Variants in TNS3 observed in about 807,000 individuals in gnomAD.
TNS3 encodes tensin-3.
Under a neutral mutation model 140.9 loss-of-function variants are expected in TNS3, and 45 were observed. The ratio of observed to expected loss-of-function variants is 0.32; its 90% CI spans 0.25 to 0.41. The LOEUF (loss-of-function observed/expected upper bound fraction) is 0.41. Among genes scored for constraint, TNS3 ranks in the 10% least tolerant of loss-of-function variants. The pLI is 1.00. For missense variants in TNS3, 1,716 were observed against 1,906.7 expected, an observed-to-expected ratio of 0.90 and a Z score of 1.86; for synonymous variants, 815 against 788.4, an observed-to-expected ratio of 1.03 and a Z score of -0.56.
chr7:47,504,714 C>T (rs566261859), intron 3 of TNS3, among the ~76,000 whole-genome samples: 1 of 152,350 alleles, frequency 6.6e-6, no homozygotes, highest in East Asian at 1.9e-4. Flanking sequence ...CCCTTAGCCA[C>T]ATACCCTGCA....
intron 17 of TNS3, among the ~76,000 whole-genome samples, chr7:47,367,995 T>A (rs1462148993): frequency 2.7e-5 from 4 of 147,244 alleles, no homozygotes; most frequent in African/African-American, 1.1e-4. Context: ...GGGACAGAAG[T>A]AAGTATGCTT....
At chr7:47,443,287 C>A (rs1173113487) in intron 4 of TNS3, among the ~76,000 whole-genome samples, 1 of 152,192 alleles carries the variant, frequency 6.6e-6, no homozygotes, top group Non-Finnish European at 1.5e-5. Flanking sequence ...GGCTTGGAAT[C>A]CAGCCTGGCA....
At chr7:47,508,131 C>T (rs948386325) in intron 2 of TNS3, among the ~76,000 whole-genome samples, 1 of 152,188 alleles carries the variant, frequency 6.6e-6, no homozygotes, top group Non-Finnish European at 1.5e-5. Context: ...CTCACTCCCC[C>T]TCCTGCACTC....
intron 17 of TNS3, among the ~76,000 whole-genome samples, chr7:47,359,366 G>A (rs767574755): frequency 4.6e-5 from 7 of 152,218 alleles, no homozygotes; most frequent in Non-Finnish European, 7.3e-5. Context: ...AGGAGGGGAT[G>A]AGTGAGTGCC....
At chr7:47,405,520 G>GA (rs1375128518) in intron 13 of TNS3, 1 of 702,882 alleles carries the variant, frequency 1.4e-6, no homozygotes, top group Non-Finnish European at 2.6e-6. Flanking sequence ...ACTTGGAGCT[G>GA]AAAATGACTT....
intron 4 of TNS3, among the ~76,000 whole-genome samples, chr7:47,448,866 C>G (rs781279252): frequency 6.6e-6 from 1 of 152,190 alleles, no homozygotes; most frequent in Admixed American, 6.5e-5. Context: ...GTAATGAAAT[C>G]TGAAATCAGA....
intron 4 of TNS3, among the ~76,000 whole-genome samples, chr7:47,467,581 G>GC (rs1027576136): frequency 6.6e-6 from 1 of 152,060 alleles, no homozygotes; most frequent in African/African-American, 2.4e-5. Flanking sequence ...CCTGATGCTG[G>GC]CAGACTGACA....
At chr7:47,316,087 T>A (rs1204715492) in intron 20 of TNS3, among the ~76,000 whole-genome samples, 1 of 133,378 alleles carries the variant, frequency 7.5e-6, no homozygotes, top group Admixed American at 7.6e-5. Flanking sequence ...TCCACCTAAC[T>A]AACTATTTCT....
At chr7:47,538,930 G>A (rs1008476235) in intron 1 of TNS3, 7 of 426,868 alleles carry the variant, frequency 1.6e-5, no homozygotes, top group South Asian at 3.3e-5. Context: ...CATCTGTATC[G>A]TATTCATTCC....
At chr7:47,310,078 G>A (rs565453833) in intron 20 of TNS3, among the ~76,000 whole-genome samples, 3 of 152,152 alleles carry the variant, frequency 2.0e-5, no homozygotes, top group Non-Finnish European at 2.9e-5. Context: ...ACTGTTCTGG[G>A]GAGACCAAGT....
chr7:47,409,276 C>A (rs937344052), intron 13 of TNS3, among the ~76,000 whole-genome samples: 1 of 150,304 alleles, frequency 6.7e-6, no homozygotes, highest in African/African-American at 2.5e-5. Context: ...CCCCCGCCCG[C>A]CTGGTCTCAG....
At chr7:47,367,257 C>A (rs1173274391) in intron 17 of TNS3, among the ~76,000 whole-genome samples, 1 of 152,200 alleles carries the variant, frequency 6.6e-6, no homozygotes, top group Non-Finnish European at 1.5e-5. Context: ...CCCACACAGT[C>A]CCCTACCTGA....
At chr7:47,435,947 G>A (rs1266699627) in intron 7 of TNS3, among the ~76,000 whole-genome samples, 1 of 152,218 alleles carries the variant, frequency 6.6e-6, no homozygotes, top group Non-Finnish European at 1.5e-5. Context: ...CAGTGACTCG[G>A]TGCAGAACTG....
intron 1 of TNS3, among the ~76,000 whole-genome samples, chr7:47,577,357 C>A (rs1281228292): frequency 6.6e-6 from 1 of 152,172 alleles, no homozygotes; most frequent in East Asian, 1.9e-4. Flanking sequence ...CTAACATGAA[C>A]CATAATTAGA....
chr7:47,385,883 C>CG (rs1359818746), intron 16 of TNS3, among the ~76,000 whole-genome samples: 1 of 152,202 alleles, frequency 6.6e-6, no homozygotes, highest in African/African-American at 2.4e-5. Flanking sequence ...CACCAAAGGA[C>CG]GGCTGTTGAG....
At chr7:47,336,252 C>T (rs11762661) in intron 20 of TNS3, among the ~76,000 whole-genome samples, 40,235 of 151,396 alleles carry the variant, frequency 0.27, 5,779 homozygotes, top group South Asian at 0.34. Context: ...AGCTTGGGGC[C>T]GATGGAGGGG....
At chr7:47,455,394 T>C (rs979585350) in intron 4 of TNS3, among the ~76,000 whole-genome samples, 13 of 152,116 alleles carry the variant, frequency 8.5e-5, no homozygotes, top group Non-Finnish European at 1.5e-4. Flanking sequence ...AATGAAGAGC[T>C]AATGAATTGC....
chr7:47,472,952 G>A (rs573105673), intron 4 of TNS3, among the ~76,000 whole-genome samples: 2 of 152,240 alleles, frequency 1.3e-5, no homozygotes, highest in East Asian at 1.9e-4. Flanking sequence ...AGAAACAGAC[G>A]GACTTACAGT....
rs1425612996 is a variant in TNS3, at chr7:47,303,367, G to A, written c.3040C>T (p.Pro1014Ser). The A allele has an allele frequency of 6.2e-7, 1 of 1,613,708 alleles. No individual in the cohort carries two copies. Among genetic ancestry groups the A allele is most frequent in the South Asian group, 1.1e-5 (1 of 91,050 alleles). The change falls in exon 22 of 31, where the codon CCC (proline) becomes TCC (serine). Residue 1014 changes from proline to serine, a missense_variant. Pro to Ser is a moderately conservative substitution (Grantham distance 74). Around this residue, in one of 3 missense-constraint regions of TNS3, gnomAD observed 1,163 missense variants for 1,182.1 expected, o/e 0.98. Transcript: ENST00000311160. ...LAEPPDSLAP[P>S]SSQAFLGFGT... is the part of the protein sequence containing the mutation. Reference sequence around the variant, plus strand: ...AAGCCCAGGAAGGCCTGGCTGCTGGGAGGCGCCAGGGAGTCCGGTGGCTCT... The same window carrying A: ...AAGCCCAGGAAGGCCTGGCTGCTGGAAGGCGCCAGGGAGTCCGGTGGCTCT...
Sources: allele counts gnomAD v4.1 joint callset (sites outside exome capture counted in the v4.1 genomes callset), GRCh38; gene constraint gnomAD v4.1.1; regional missense constraint gnomAD v4.1.1; transcripts MANE v1.5; gene names NCBI Gene and HGNC (gene_info 2026-07-23, HGNC 2026-07-21).